Variants in LARGE1 observed in about 807,000 individuals in gnomAD.
The protein encoded by LARGE1 is xylosyl- and glucuronyltransferase LARGE1.
Under a neutral mutation model 87.6 loss-of-function variants are expected in LARGE1, and 43 were observed. The observed-to-expected ratio is 0.49, with a 90% CI of 0.38 to 0.63. The LOEUF is 0.63. Among genes scored for constraint, LARGE1 ranks in the 30% least tolerant of loss-of-function variants. The probability of loss-of-function intolerance (pLI) is 0.00; values close to 1 mark genes in which losing one functional copy is unlikely to be tolerated. For missense variants in LARGE1, 802 were observed against 1,000.2 expected (o/e 0.80, Z 2.67); for synonymous variants, 434 against 394.6 (o/e 1.10, Z -1.18).
intron 1 of LARGE1, among the ~76,000 whole-genome samples, chr22:33,817,743 T>A (rs1330460307): frequency 2.6e-5 from 4 of 152,192 alleles, no homozygotes; most frequent in Admixed American, 6.5e-5. Flanking sequence ...CTCTCACCGA[T>A]ATTAGCATTC....
intron 2 of LARGE1, among the ~76,000 whole-genome samples, chr22:33,657,764 T>C (rs1450444002): frequency 6.6e-6 from 1 of 152,178 alleles, no homozygotes; most frequent in East Asian, 1.9e-4. Context: ...GTTTGCAGTC[T>C]GATAATGCAC....
At chr22:33,897,349 T>C (rs1010871645) in intron 1 of LARGE1, among the ~76,000 whole-genome samples, 1 of 152,158 alleles carries the variant, frequency 6.6e-6, no homozygotes, top group African/African-American at 2.4e-5. Context: ...TAAACTCTCA[T>C]TGGTGGTCTA....
chr22:33,403,509 T>C (rs1026582812), intron 7 of LARGE1, among the ~76,000 whole-genome samples: 1 of 152,170 alleles, frequency 6.6e-6, no homozygotes, highest in Non-Finnish European at 1.5e-5. Flanking sequence ...CACGTGCTGG[T>C]TCTGCAGTGT....
At chr22:33,904,996 C>T (rs531920693) in intron 1 of LARGE1, among the ~76,000 whole-genome samples, 15 of 151,598 alleles carry the variant, frequency 9.9e-5, no homozygotes, top group African/African-American at 2.2e-4. Flanking sequence ...TAAAAATTAC[C>T]CACTCCAAAC....
chr22:33,084,492 C>G, the LARGE1 span, among the ~76,000 whole-genome samples: 6 of 149,484 alleles, frequency 4.0e-5, no homozygotes. Context: ...GACCTTGTCT[C>G]TCGAAAAAAA....
chr22:33,824,655 A>G (rs2062730387), intron 1 of LARGE1, among the ~76,000 whole-genome samples: 5 of 152,198 alleles, frequency 3.3e-5, no homozygotes, highest in Admixed American at 2.6e-4. Context: ...CCCCCACTCT[A>G]CACACGAGGT....
At chr22:33,855,635 C>T (rs773416313) in intron 1 of LARGE1, among the ~76,000 whole-genome samples, 2 of 152,174 alleles carry the variant, frequency 1.3e-5, no homozygotes, top group Non-Finnish European at 2.9e-5. Flanking sequence ...CTGGGAAAGG[C>T]CCTCAAGGAA....
intron 6 of LARGE1, among the ~76,000 whole-genome samples, chr22:33,456,871 A>C (rs905593486): frequency 2.6e-5 from 4 of 152,240 alleles, no homozygotes; most frequent in Admixed American, 6.5e-5. Context: ...AAAGACCTGG[A>C]CTGGGAACAG....
intron 7 of LARGE1, among the ~76,000 whole-genome samples, chr22:33,416,834 C>T (rs1336527651): frequency 1.3e-5 from 2 of 151,116 alleles, no homozygotes; most frequent in African/African-American, 2.4e-5. Context: ...GAACTCCTGA[C>T]CTTGTGATCT....
chr22:33,091,844 G>C, the LARGE1 span, among the ~76,000 whole-genome samples: 1 of 152,152 alleles, frequency 6.6e-6, no homozygotes, highest in South Asian at 2.1e-4. Flanking sequence ...GCACCTCATA[G>C]AGGTTCAAAG....
chr22:33,178,776 GT>G (rs1461664308), intron 11 of LARGE1, among the ~76,000 whole-genome samples: 1 of 152,154 alleles, frequency 6.6e-6, no homozygotes, highest in East Asian at 1.9e-4. Context: ...TATTATACCA[GT>G]TTATATTTGA....
At chr22:33,909,524 TTTTTTTTTTTTG>T (rs916296294) in intron 1 of LARGE1, among the ~76,000 whole-genome samples, 5 of 87,996 alleles carry the variant, frequency 5.7e-5, no homozygotes, top group African/African-American at 1.4e-4. Context: ...CTTCTTTTGT[TTTTTTTTTTTTG>T]TTTTTGTTTT....
chr22:33,105,388 T>C, the LARGE1 span: 1 of 152,118 alleles, frequency 6.6e-6, no homozygotes, highest in Non-Finnish European at 1.5e-5. Context: ...ATGTATCCTT[T>C]TGCTCTAATT....
intron 9 of LARGE1, among the ~76,000 whole-genome samples, chr22:33,350,162 T>G (rs1262438647): frequency 6.6e-6 from 1 of 152,206 alleles, no homozygotes; most frequent in African/African-American, 2.4e-5. Flanking sequence ...CAGCTGTATT[T>G]TCTCTAATGT....
chr22:33,315,621 C>T (rs140092618), intron 11 of LARGE1, among the ~76,000 whole-genome samples: 1,772 of 151,946 alleles, frequency 0.012, 11 homozygotes, highest in South Asian at 0.026. Context: ...TCACCCTTAT[C>T]AGTACTCTTT....
intron 1 of LARGE1, among the ~76,000 whole-genome samples, chr22:33,846,711 A>G (rs2063441825): frequency 1.3e-5 from 2 of 152,184 alleles, no homozygotes; most frequent in Non-Finnish European, 2.9e-5. Flanking sequence ...AACGGCCCCC[A>G]CTAGGTGTGC....
At chr22:33,345,104 C>T (rs539637681) in intron 9 of LARGE1, among the ~76,000 whole-genome samples, 1 of 152,264 alleles carries the variant, frequency 6.6e-6, no homozygotes, top group South Asian at 2.1e-4. Flanking sequence ...TTATTATTAG[C>T]AGCTAACATG....
intron 2 of LARGE1, among the ~76,000 whole-genome samples, chr22:33,697,379 A>C (rs2082282211): frequency 6.6e-6 from 1 of 151,966 alleles, no homozygotes; most frequent in Non-Finnish European, 1.5e-5. Flanking sequence ...CTAGCCTCTT[A>C]GGATTCTTCA....
At chr22:33,186,485 G>C (rs539531725) in intron 11 of LARGE1, among the ~76,000 whole-genome samples, 3 of 152,122 alleles carry the variant, frequency 2.0e-5, no homozygotes, top group African/African-American at 7.2e-5. Flanking sequence ...GGACTAGAAA[G>C]CTTCCACTAC....
Sources: gnomAD v4.1 joint callset for allele counts (sites outside exome capture counted in the v4.1 genomes callset) on GRCh38, gnomAD v4.1.1 for gene constraint, MANE v1.5 for transcripts, NCBI Gene and HGNC (gene_info 2026-07-23, HGNC 2026-07-21) for gene names.